The following NALF1 variants were observed in gnomAD, a reference collection of about 807,000 sequenced individuals.
NALF1 encodes family with sequence similarity 155 member A.
A neutral mutation model predicts 48.4 loss-of-function variants in NALF1; 3 were observed. The observed-to-expected ratio is 0.06, with a 90% CI of 0.03 to 0.16. NALF1 has a LOEUF of 0.16. Ranked by LOEUF, NALF1 falls within the 10% of genes least tolerant of loss-of-function variation. The probability of loss-of-function intolerance (pLI) is 1.00; values close to 1 mark genes in which losing one functional copy is unlikely to be tolerated. For synonymous variants in NALF1, 262 were observed against 245.7 expected (o/e 1.07, Z -0.62); for missense variants, 526 against 571.5 (o/e 0.92, Z 0.81).
intron 1 of NALF1, among the ~76,000 whole-genome samples, chr13:107,660,506 AC>A (rs1880709546): frequency 6.6e-6 from 1 of 151,642 alleles, no homozygotes; most frequent in African/African-American, 2.4e-5. Flanking sequence ...AAAAAAACAA[AC>A]AAAACAAATA....
At chr13:107,671,182 G>A (rs9587424) in intron 1 of NALF1, among the ~76,000 whole-genome samples, 29,314 of 151,986 alleles carry the variant, frequency 0.19, 3,009 homozygotes, top group Middle Eastern at 0.36. Context: ...GAAAATTTGA[G>A]GAACATGGAA....
intron 1 of NALF1, among the ~76,000 whole-genome samples, chr13:107,651,299 C>T (rs1189442940): frequency 1.3e-5 from 2 of 152,116 alleles, no homozygotes; most frequent in Non-Finnish European, 2.9e-5. Flanking sequence ...GAAGCAATGA[C>T]CATAGGTCAT....
intron 1 of NALF1, among the ~76,000 whole-genome samples, chr13:107,550,203 TC>T (rs1877253700): frequency 6.6e-6 from 1 of 152,102 alleles, no homozygotes; most frequent in Non-Finnish European, 1.5e-5. Context: ...TTAACGTTCT[TC>T]CTTCTGTGTC....
chr13:107,652,047 C>T (rs1868256177), intron 1 of NALF1, among the ~76,000 whole-genome samples: 1 of 152,150 alleles, frequency 6.6e-6, no homozygotes, highest in South Asian at 2.1e-4. Flanking sequence ...CTTTATTATG[C>T]TTTGCTGAAG....
At chr13:107,537,591 T>A (rs544547482) in intron 1 of NALF1, among the ~76,000 whole-genome samples, 1 of 152,048 alleles carries the variant, frequency 6.6e-6, no homozygotes, top group Non-Finnish European at 1.5e-5. Flanking sequence ...TCAGGGACCA[T>A]CCAGACAATA....
chr13:107,855,792 T>C (rs1194878546), intron 1 of NALF1, among the ~76,000 whole-genome samples: 1 of 152,196 alleles, frequency 6.6e-6, no homozygotes, highest in East Asian at 1.9e-4. Context: ...ACCGCTTTGA[T>C]AAAGAAAACT....
At chr13:107,561,678 C>T (rs1311508281) in intron 1 of NALF1, among the ~76,000 whole-genome samples, 3 of 152,084 alleles carry the variant, frequency 2.0e-5, no homozygotes, top group Non-Finnish European at 2.9e-5. Flanking sequence ...AAATTCCTAC[C>T]TATTAATTTT....
intron 1 of NALF1, among the ~76,000 whole-genome samples, chr13:107,425,004 GAGAA>G (rs1884255111): frequency 6.6e-6 from 1 of 152,174 alleles, no homozygotes; most frequent in African/African-American, 2.4e-5. Context: ...CTCATTCAGT[GAGAA>G]AGAAGTATTT....
chr13:107,465,552 T>C (rs548988615), intron 1 of NALF1, among the ~76,000 whole-genome samples: 2 of 152,288 alleles, frequency 1.3e-5, no homozygotes, highest in South Asian at 4.1e-4. Context: ...CACTGGTATA[T>C]ATAATGTGCT....
chr13:107,809,870 C>T (rs1364012404), intron 1 of NALF1, among the ~76,000 whole-genome samples: 1 of 152,132 alleles, frequency 6.6e-6, no homozygotes, highest in East Asian at 1.9e-4. Context: ...TTATCAACTG[C>T]ATTCTGTCTC....
intron 1 of NALF1, among the ~76,000 whole-genome samples, chr13:107,691,630 A>G (rs1881570672): frequency 6.6e-6 from 1 of 152,232 alleles, no homozygotes; most frequent in Admixed American, 6.5e-5. Context: ...ATCCATTTAT[A>G]CTGTGCAATT....
chr13:107,347,805 C>G (rs1429664737), intron 1 of NALF1, among the ~76,000 whole-genome samples: 1 of 152,208 alleles, frequency 6.6e-6, no homozygotes, highest in Non-Finnish European at 1.5e-5. Context: ...TTAACAATGT[C>G]CACTGAGCAT....
intron 1 of NALF1, among the ~76,000 whole-genome samples, chr13:107,763,505 T>G (rs1278270224): frequency 6.6e-6 from 1 of 151,066 alleles, no homozygotes; most frequent in Non-Finnish European, 1.5e-5. Flanking sequence ...GCCTTTCCAG[T>G]TCACTGCAGA....
intron 1 of NALF1, among the ~76,000 whole-genome samples, chr13:107,463,200 TG>T (rs1254453400): frequency 6.6e-6 from 1 of 152,240 alleles, no homozygotes; most frequent in Non-Finnish European, 1.5e-5. Context: ...AAATGTTTTT[TG>T]ACATAGGAAT....
At chr13:107,723,752 C>A (rs1876060491) in intron 1 of NALF1, among the ~76,000 whole-genome samples, 2 of 152,126 alleles carry the variant, frequency 1.3e-5, no homozygotes, top group South Asian at 4.1e-4. Context: ...AATAAAAGGT[C>A]CAACTCAGGT....
At chr13:107,493,779 C>T (rs1210201203) in intron 1 of NALF1, among the ~76,000 whole-genome samples, 2 of 152,122 alleles carry the variant, frequency 1.3e-5, no homozygotes, top group African/African-American at 4.8e-5. Context: ...GTTCCAGCTA[C>T]TCAGGAGGCC....
At chr13:107,840,930 C>A (rs529602364) in intron 1 of NALF1, among the ~76,000 whole-genome samples, 4 of 152,202 alleles carry the variant, frequency 2.6e-5, no homozygotes, top group African/African-American at 4.8e-5. Context: ...TAACTGAAAT[C>A]TTTCCTAATC....
intron 1 of NALF1, among the ~76,000 whole-genome samples, chr13:107,253,677 C>A (rs1216721066): frequency 6.6e-6 from 1 of 152,318 alleles, no homozygotes; most frequent in African/African-American, 2.4e-5. Flanking sequence ...CCTCCCGTTC[C>A]TCTCTACCTT....
rs114041300 is a variant in NALF1, at chr13:107,420,978, C to A, written c.916-210223G>T. The stretch of plus-strand genomic sequence containing the variant: ...ATCCCCATTATCTTTATTTGAGGGG[C>A]TGTCTTATCTACTATTACCAAACAA... On this transcript the variant is annotated intron_variant, in intron 1 of 2. Transcript: ENST00000375915. Among the ~76,000 whole-genome samples the A allele has an allele frequency of 4.5e-3, 680 of 152,160 alleles. 7 individuals carry two copies. The highest frequency in any genetic ancestry group is 0.016 in the African/African-American group (647 of 41,516).
Sources: gnomAD v4.1 joint callset for allele counts (sites outside exome capture counted in the v4.1 genomes callset) on GRCh38, gnomAD v4.1.1 for gene constraint, MANE v1.5 for transcripts, NCBI Gene and HGNC (gene_info 2026-07-23, HGNC 2026-07-21) for gene names.